The following TIAM1 variants were observed in gnomAD, a reference collection of about 807,000 sequenced individuals.
The protein encoded by TIAM1 is rho guanine nucleotide exchange factor TIAM1.
Under a neutral mutation model 163.5 loss-of-function variants are expected in TIAM1, and 65 were observed. The ratio of observed to expected loss-of-function variants is 0.40; its 90% CI spans 0.33 to 0.49. TIAM1 has a LOEUF of 0.49. TIAM1 is among the 20% of genes least tolerant of loss of function. The pLI is 0.77. For missense variants in TIAM1, 1,789 were observed against 2,044.7 expected (o/e 0.87, Z 2.41); for synonymous variants, 833 against 810.1 (o/e 1.03, Z -0.48).
At chr21:31,181,674 T>C (rs770178511) in intron 15 of TIAM1, among the ~76,000 whole-genome samples, 2 of 147,014 alleles carry the variant, frequency 1.4e-5, no homozygotes, top group African/African-American at 5.0e-5. Flanking sequence ...GTTTGGAAGA[T>C]GACGATAGAG....
intron 2 of TIAM1, among the ~76,000 whole-genome samples, chr21:31,290,652 A>G (rs1243894771): frequency 9.6e-6 from 1 of 104,480 alleles, no homozygotes; most frequent in African/African-American, 3.4e-5. Flanking sequence ...ATCTCAAAAA[A>G]AAAAAAAAAA....
intron 1 of TIAM1, among the ~76,000 whole-genome samples, chr21:31,464,837 C>T (rs1286354053): frequency 1.7e-5 from 2 of 118,508 alleles, no homozygotes; most frequent in Admixed American, 9.0e-5. Context: ...AGCAAGCTTC[C>T]GTCTCGGGAA....
chr21:31,407,244 C>G (rs1230064524), intron 2 of TIAM1, among the ~76,000 whole-genome samples: 1 of 152,092 alleles, frequency 6.6e-6, no homozygotes, highest in Non-Finnish European at 1.5e-5. Flanking sequence ...ATTGTAAACG[C>G]TGCTAAAATC....
chr21:31,241,221 T>C (rs2071158432), intron 6 of TIAM1, among the ~76,000 whole-genome samples: 1 of 152,100 alleles, frequency 6.6e-6, no homozygotes, highest in South Asian at 2.1e-4. Context: ...CAACACAGTC[T>C]TAGTGAATTG....
chr21:31,149,714 G>T (rs2083291963), intron 19 of TIAM1, among the ~76,000 whole-genome samples: 1 of 152,144 alleles, frequency 6.6e-6, no homozygotes, highest in Admixed American at 6.5e-5. Flanking sequence ...CTGGCCTCCA[G>T]AATATATCCA....
intron 2 of TIAM1, among the ~76,000 whole-genome samples, chr21:31,382,255 A>G (rs149258804): frequency 6.6e-6 from 1 of 152,360 alleles, no homozygotes; most frequent in East Asian, 1.9e-4. Context: ...AGCGCACTGT[A>G]TATCCGTATG....
chr21:31,292,636 C>T (rs984810126), intron 2 of TIAM1, among the ~76,000 whole-genome samples: 78 of 150,278 alleles, frequency 5.2e-4, no homozygotes, highest in African/African-American at 1.8e-3. Context: ...TCCCAAAGTG[C>T]TGGGATTACA....
chr21:31,472,957 A>G (rs1310926968), intron 1 of TIAM1, among the ~76,000 whole-genome samples: 4 of 152,190 alleles, frequency 2.6e-5, no homozygotes, highest in Non-Finnish European at 5.9e-5. Context: ...ACTCCAGTCA[A>G]ATGTGGAAAT....
Position 31,252,178 on chromosome 21 carries a change from T to G in TIAM1, c.975A>C (p.Ala325=). Residue 325 remains alanine, a synonymous_variant, in exon 5 of 28, where the codon GCA becomes GCC. Coordinates refer to ENST00000541036, the MANE Select transcript of TIAM1 (RefSeq NM_001353694.2). The stretch of plus-strand genomic sequence containing the variant: ...TGTCTGCAAACTCACTGCCCTCGCC[T>G]GCATTAACATCCTTGGGAGCAGAAA... ...RRAKTTQDVN[A]GEGSEFADSG... 6.2e-7 allele frequency: 1 copy of G among 1,604,354 alleles called. No individual in the cohort carries two copies. The highest frequency in any genetic ancestry group is 8.5e-7 in the Non-Finnish European group (1 of 1,179,168).
intron 2 of TIAM1, among the ~76,000 whole-genome samples, chr21:31,324,275 C>T (rs916521145): frequency 1.3e-5 from 2 of 151,960 alleles, no homozygotes; most frequent in African/African-American, 4.8e-5. Context: ...ATCACTTGAA[C>T]CTGGGAGGCG....
intron 2 of TIAM1, among the ~76,000 whole-genome samples, chr21:31,365,853 G>A (rs191035575): frequency 9.2e-5 from 14 of 151,702 alleles, no homozygotes; most frequent in South Asian, 8.4e-4. Flanking sequence ...CTGTAATCCC[G>A]GCACTTTGGA....
intron 2 of TIAM1, among the ~76,000 whole-genome samples, chr21:31,419,971 C>T (rs1237416951): frequency 6.6e-6 from 1 of 152,194 alleles, no homozygotes; most frequent in Non-Finnish European, 1.5e-5. Flanking sequence ...ATCGCTTGAA[C>T]CCGAGAGGTG....
At chr21:31,134,169 TA>T (rs1190078143) in intron 23 of TIAM1, among the ~76,000 whole-genome samples, 4 of 152,190 alleles carry the variant, frequency 2.6e-5, no homozygotes, top group Non-Finnish European at 4.4e-5. Flanking sequence ...TCTTGATTTC[TA>T]ACTACAGTGA....
chr21:31,461,567 T>A (rs773596006), intron 2 of TIAM1, among the ~76,000 whole-genome samples: 7 of 152,156 alleles, frequency 4.6e-5, no homozygotes, highest in Non-Finnish European at 8.8e-5. Flanking sequence ...AAGGACACCA[T>A]TATTTAGTGT....
chr21:31,315,939 T>C (rs1248471937), intron 2 of TIAM1, among the ~76,000 whole-genome samples: 1 of 152,162 alleles, frequency 6.6e-6, no homozygotes, highest in Non-Finnish European at 1.5e-5. Context: ...ATCGCGCCAC[T>C]GCACTCCAGT....
At chr21:31,286,756 C>A (rs1216633674) in intron 2 of TIAM1, among the ~76,000 whole-genome samples, 1 of 152,090 alleles carries the variant, frequency 6.6e-6, no homozygotes, top group Non-Finnish European at 1.5e-5. Context: ...TAAAGAAATT[C>A]TTCCCACAGA....
chr21:31,302,512 T>C (rs887797593), intron 2 of TIAM1, among the ~76,000 whole-genome samples: 1 of 152,224 alleles, frequency 6.6e-6, no homozygotes, highest in African/African-American at 2.4e-5. Context: ...ATTGCCAAAG[T>C]AGAAGCTGTT....
At chr21:31,221,810 G>GT (rs2087576174) in intron 8 of TIAM1, among the ~76,000 whole-genome samples, 2 of 152,242 alleles carry the variant, frequency 1.3e-5, no homozygotes, top group East Asian at 1.9e-4. Flanking sequence ...TTCTATCCTA[G>GT]TTTTTTTGTT....
At chr21:31,152,287 C>T (rs892656593) in intron 19 of TIAM1, among the ~76,000 whole-genome samples, 2 of 152,156 alleles carry the variant, frequency 1.3e-5, no homozygotes, top group Non-Finnish European at 2.9e-5. Context: ...CCCGCCTTGG[C>T]CTCCCAAAGT....
Sources: gnomAD v4.1 joint callset for allele counts (sites outside exome capture counted in the v4.1 genomes callset) on GRCh38, gnomAD v4.1.1 for gene constraint, MANE v1.5 for transcripts, NCBI Gene and HGNC (gene_info 2026-07-23, HGNC 2026-07-21) for gene names.